The following RNF212 variants were observed in gnomAD, a reference collection of about 807,000 sequenced individuals.
RNF212 encodes ring finger protein 212, also known as probable E3 SUMO-protein ligase RNF212.
RNF212 carries 33 observed loss-of-function variants against 34.7 expected under a neutral mutation model. The observed-to-expected ratio is 0.95, with a 90% CI of 0.72 to 1.27. The LOEUF (loss-of-function observed/expected upper bound fraction) is 1.27. Among genes scored for constraint, RNF212 ranks in the 50% most tolerant of loss-of-function variants. RNF212 has a pLI of 0.00. For synonymous variants in RNF212, 140 were observed against 136.1 expected, an observed-to-expected ratio of 1.03 and a Z score of -0.20; for missense variants, 377 against 362.2, an observed-to-expected ratio of 1.04 and a Z score of -0.33.
rs368058443 is a variant in RNF212 at position 1,085,777 on chromosome 4, C to T, written c.362+119G>A. The T allele has an allele frequency of 2.5e-4, 186 of 748,310 alleles. 1 individual carries two copies. In the South Asian group the frequency reaches 2.5e-3, roughly 10 times the overall value. The allele number at this position is 748,310 out of a possible 1,614,324, so 46.4% of individuals were successfully genotyped here. A position where few individuals can be genotyped will look rare whatever the true frequency, so the allele number is the denominator to read the frequency against. On this transcript the variant is annotated intron_variant, in intron 5 of 9. Transcript: ENST00000433731. ...CTGATGAAAGTTTCTGGTAAATGAACGAGCTCTTCCCTCTGCATCTGCAGT... is the reference window on the plus strand; with the variant it reads ...CTGATGAAAGTTTCTGGTAAATGAATGAGCTCTTCCCTCTGCATCTGCAGT...
At chr4:1,111,416 G>A (rs1725637492) in intron 1 of RNF212, among the ~76,000 whole-genome samples, 1 of 152,104 alleles carries the variant, frequency 6.6e-6, no homozygotes, top group South Asian at 2.1e-4. Context: ...CAGGATACAG[G>A]CCGTGTCCAG....
chr4:1,068,195 C>T (rs555072125), downstream of RNF212, among the ~76,000 whole-genome samples: 18 of 152,248 alleles, frequency 1.2e-4, no homozygotes, highest in African/African-American at 3.4e-4. Flanking sequence ...AGGGCTATGC[C>T]GTCTAATTCC....
At chr4:1,079,232 G>C (rs925326159) in intron 8 of RNF212, among the ~76,000 whole-genome samples, 1 of 151,602 alleles carries the variant, frequency 6.6e-6, no homozygotes, top group African/African-American at 2.4e-5. Context: ...GACCAACATG[G>C]GACCAACACA....
intron 9 of RNF212, 134 bp from the exon 10 acceptor site, chr4:1,073,327 C>T: frequency 2.5e-6 from 3 of 1,220,660 alleles, no homozygotes; most frequent in Non-Finnish European, 3.4e-6. Flanking sequence ...GGAAGCAAAC[C>T]CAGTGACACT....
At chr4:1,093,971 G>A (rs1007093419) in intron 3 of RNF212, 30 of 1,535,974 alleles carry the variant, frequency 2.0e-5, no homozygotes, top group African/African-American at 6.8e-5. Flanking sequence ...GGATGTGGCT[G>A]GGCATAACTT....
chr4:1,065,732 GTGTGC>G (rs1553798697), intron 3 of RNF212, among the ~76,000 whole-genome samples: 2 of 151,920 alleles, frequency 1.3e-5, no homozygotes, highest in Admixed American at 6.6e-5. Context: ...GACTACAGGT[GTGTGC>G]CACCACACCT....
At chr4:1,093,013 ACGCAGCCTGTGGTAGGGCAGAGGCTGGG>A (rs2153053540) in intron 3 of RNF212, among the ~76,000 whole-genome samples, 1 of 31,722 alleles carries the variant, frequency 3.2e-5, no homozygotes, top group South Asian at 1.9e-3. Context: ...CTCAGTGCTG[ACGCAGCCTGTGGTAGGGCAGAGGCTGGG>A]TGGATGGAAC....
intron 2 of RNF212, chr4:1,099,874 G>A (rs769285848): frequency 8.8e-6 from 4 of 456,120 alleles, no homozygotes; most frequent in Non-Finnish European, 1.8e-5. Context: ...CTCTCCTCAC[G>A]CAGCTGTAAA....
rs146814980 is a variant in RNF212 at position 1,081,457 on chromosome 4, G to A, written c.426C>T (p.His142=). 9.1e-5 allele frequency: 147 copies of A among 1,613,884 alleles called. No individual in the cohort carries two copies. The African/African-American group carries it at 1.1e-3, about 12-fold the overall frequency. ...ATGAGTGAGGTGGCAGCAGGCATCC[G>A]TGTGGTTTTGCTGGAAGAGTGATGA... is the stretch of plus-strand genomic sequence containing the variant. ...TIKSSVSTKP[H]GCLLPPHSSA... The change falls in exon 7 of 10, where the codon CAC becomes CAT. Residue 142 remains histidine (H), a synonymous_variant. Coordinates refer to ENST00000433731, the MANE Select transcript of RNF212 (RefSeq NM_001131034.4).
downstream of RNF212, among the ~76,000 whole-genome samples, chr4:1,067,556 C>T (rs979032894): frequency 4.6e-5 from 7 of 151,860 alleles, no homozygotes; most frequent in African/African-American, 1.7e-4. Context: ...AAGAAAATCC[C>T]ACCGTAAAAA....
chr4:1,103,719 T>C (rs1724383653), intron 2 of RNF212, among the ~76,000 whole-genome samples: 1 of 152,120 alleles, frequency 6.6e-6, no homozygotes, highest in East Asian at 1.9e-4. Context: ...ATTAACAAAA[T>C]TCAATACCAT....
intron 4 of RNF212, among the ~76,000 whole-genome samples, chr4:1,089,425 G>A (rs1036151227): frequency 2.0e-5 from 3 of 152,236 alleles, no homozygotes; most frequent in Admixed American, 6.5e-5. Context: ...TATCTTGGAA[G>A]TCATTAACTT....
chr4:1,073,919 C>T (rs542425135), intron 8 of RNF212, among the ~76,000 whole-genome samples: 8 of 151,814 alleles, frequency 5.3e-5, no homozygotes, highest in African/African-American at 1.9e-4. Context: ...AAACAGTGAA[C>T]GGATAAAGGG....
Position 1,078,276 on chromosome 4 carries a change from G to A in RNF212, c.510+1367C>T, listed in dbSNP as rs1451444446. ...CTCAGTTTTCCTGCCTTTGCTCCTC[G>A]GCCCCCTCCTGCCCCACAGGCTTCT... On this transcript the variant is annotated intron_variant, in intron 8 of 9. Transcript: ENST00000433731. Among the ~76,000 whole-genome samples, 5 of 152,232 alleles carry A rather than the reference G, an allele frequency of 3.3e-5. No homozygotes were observed. The South Asian group carries it at 6.2e-4, about 19-fold the overall frequency.
rs955656541 is a variant in RNF212, at chr4:1,081,337, G to C, written c.464+82C>G. ...TTAGCAAAATCTGGGGGCTTGGAGAGGGGGTGGGGTTGGGATGGGAAGGCA... is the reference window on the plus strand; with the variant it reads ...TTAGCAAAATCTGGGGGCTTGGAGACGGGGTGGGGTTGGGATGGGAAGGCA... On this transcript the variant is annotated intron_variant, in intron 7 of 9. Coordinates refer to ENST00000433731, the MANE Select transcript of RNF212 (RefSeq NM_001131034.4). 6 of 1,179,588 alleles carry C rather than the reference G, an allele frequency of 5.1e-6. No homozygotes were observed. In the African/African-American group the frequency reaches 7.5e-5, roughly 15 times the overall value. The allele number at this position is 1,179,588 out of a possible 1,614,324, so 73.1% of individuals were successfully genotyped here. A position where few individuals can be genotyped will look rare whatever the true frequency, so the allele number is the denominator to read the frequency against.
At chr4:1,061,873 C>T (rs555086009) in intron 3 of RNF212, among the ~76,000 whole-genome samples, 76 of 152,274 alleles carry the variant, frequency 5.0e-4, no homozygotes, top group African/African-American at 1.8e-3. Flanking sequence ...CCAGGTTGTC[C>T]AGATTGCAGC....
intron 3 of RNF212, among the ~76,000 whole-genome samples, chr4:1,065,144 G>C (rs1333156684): frequency 1.3e-5 from 2 of 152,178 alleles, no homozygotes; most frequent in African/African-American, 4.8e-5. Flanking sequence ...CAATCCTTTT[G>C]AGTACTGAAT....
At chr4:1,056,608 G>C (rs747755109) in intron 4 of RNF212, 5 of 507,624 alleles carry the variant, frequency 9.8e-6, no homozygotes, top group Non-Finnish European at 1.3e-5. Flanking sequence ...TGTCATCTTA[G>C]TATTTTCAGA....
rs140745306 is a variant in RNF212, at chr4:1,062,692, G to A, written n.148-4299C>T. On this transcript the variant is annotated intron_variant and non_coding_transcript_variant, in intron 3 of 4. Coordinates refer to the RNF212 transcript ENST00000503206. ...AAAACAAATGAAAGTCCTGCAGTGG[G>A]ACGGGAAGTGAAAAGATAAAAATAA... Among the ~76,000 whole-genome samples, 160 of 152,298 alleles carry A rather than the reference G, an allele frequency of 1.1e-3. 1 individual carries two copies. Among genetic ancestry groups the A allele is most frequent in the Admixed American group, 2.1e-3 (32 of 15,284 alleles).
Sources: gnomAD v4.1 joint callset for allele counts (sites outside exome capture counted in the v4.1 genomes callset) on GRCh38, gnomAD v4.1.1 for gene constraint, MANE v1.5 for transcripts, NCBI Gene and HGNC (gene_info 2026-07-23, HGNC 2026-07-21) for gene names.